Variants in VRK2 observed in about 807,000 individuals in gnomAD.
The protein encoded by VRK2 is VRK serine/threonine kinase 2.
In VRK2, 60 loss-of-function variants were observed where a neutral mutation model predicts 57.6. The observed-to-expected ratio is 1.04, with a 90% CI of 0.85 to 1.29. VRK2 has a LOEUF of 1.29. Among genes scored for constraint, VRK2 ranks in the 50% most tolerant of loss-of-function variants. The pLI, the probability that VRK2 is intolerant of heterozygous loss-of-function variation, is 0.00. For missense variants in VRK2, 705 were observed against 588.1 expected (o/e 1.20, Z -2.06); for synonymous variants, 231 against 199.2 (o/e 1.16, Z -1.35).
intron 1 of VRK2, among the ~76,000 whole-genome samples, chr2:57,936,068 C>G (rs976930578): frequency 6.6e-6 from 1 of 152,038 alleles, no homozygotes; most frequent in Non-Finnish European, 1.5e-5. Context: ...TTATGTAGCT[C>G]CCATCATCTT....
intron 1 of VRK2, among the ~76,000 whole-genome samples, chr2:57,937,499 T>C (rs780234015): frequency 6.6e-6 from 1 of 152,264 alleles, no homozygotes; most frequent in Non-Finnish European, 1.5e-5. Flanking sequence ...TGTAATTGTA[T>C]TCTACTTTAC....
At chr2:58,115,083 A>G (rs1019014334) in intron 7 of VRK2, among the ~76,000 whole-genome samples, 2 of 152,158 alleles carry the variant, frequency 1.3e-5, no homozygotes, top group Non-Finnish European at 2.9e-5. Context: ...AAAGGAAATG[A>G]GAGGTTCTGA....
intron 1 of VRK2, among the ~76,000 whole-genome samples, chr2:57,924,648 A>C (rs1670472682): frequency 6.6e-6 from 1 of 152,014 alleles, no homozygotes; most frequent in Admixed American, 6.6e-5. Context: ...ATCATCTGCA[A>C]GTAAGGATAA....
At chr2:58,079,821 A>G (rs935115518) in intron 2 of VRK2, among the ~76,000 whole-genome samples, 5 of 151,988 alleles carry the variant, frequency 3.3e-5, no homozygotes, top group African/African-American at 4.8e-5. Flanking sequence ...AAGCCATAAT[A>G]TGGTTGCTAG....
At chr2:57,947,817 A>T (rs1419859941) in intron 1 of VRK2, among the ~76,000 whole-genome samples, 2 of 152,134 alleles carry the variant, frequency 1.3e-5, no homozygotes, top group African/African-American at 4.8e-5. Context: ...ATATTATTCA[A>T]ATGAGATGGG....
In VRK2 at chr2:58,040,251, G is replaced by A. The variant is rs555650242; in HGVS notation, c.-6+6698G>A. On this transcript the variant is annotated intron_variant, in intron 3 of 15. Coordinates refer to the VRK2 transcript ENST00000417641. ...TTTTTCACTCATTTCTAGATCCACA[G>A]ACATCTGAGTGTATTTGCCTGAAAT... 8.5e-5 allele frequency among the ~76,000 whole-genome samples: 13 copies of A among 152,218 alleles called. No homozygotes were observed. In the East Asian group the frequency reaches 1.9e-3, roughly 23 times the overall value.
intron 1 of VRK2, chr2:58,048,610 A>G: frequency 1.4e-6 from 2 of 1,474,154 alleles, no homozygotes; most frequent in Non-Finnish European, 1.8e-6. Context: ...CTGTTTTTTT[A>G]AAATATCTAT....
At chr2:58,067,809 C>T (rs1668811169) in intron 2 of VRK2, among the ~76,000 whole-genome samples, 1 of 152,112 alleles carries the variant, frequency 6.6e-6, no homozygotes, top group Non-Finnish European at 1.5e-5. Flanking sequence ...TACATTTTCC[C>T]AGTTATTGAT....
intron 1 of VRK2, among the ~76,000 whole-genome samples, chr2:57,924,215 T>G (rs61246889): frequency 0.026 from 3,916 of 152,178 alleles, 186 homozygotes; most frequent in African/African-American, 0.09. Flanking sequence ...AGGTCTTTTG[T>G]GATTCCATAT....
Position 58,089,723 on chromosome 2 carries a change from G to A in VRK2, c.543G>A (p.Gln181=). The change falls in exon 7 of 13, where the codon CAG becomes CAA. Residue 181 remains glutamine (Q), a splice_region_variant and synonymous_variant. Coordinates refer to ENST00000340157, the MANE Select transcript of VRK2 (RefSeq NM_006296.7). ...NLLLGYKNPD[Q]VYLADYGLSY... ...TTTTGGGTTACAAAAATCCAGACCA[G>A]GTAAATACATACTTTTGCTTTTAAT... 6.3e-7 allele frequency: 1 copy of A among 1,595,344 alleles called. No homozygotes were observed. Among genetic ancestry groups the A allele is most frequent in the East Asian group, 2.2e-5 (1 of 44,590 alleles).
chr2:57,978,556 C>T (rs564500337), intron 1 of VRK2, among the ~76,000 whole-genome samples: 21 of 150,996 alleles, frequency 1.4e-4, no homozygotes, highest in Middle Eastern at 3.4e-3. Context: ...CTTACCATCC[C>T]GATCTAAATC....
At chr2:57,940,858 T>C (rs1437632829) in intron 1 of VRK2, among the ~76,000 whole-genome samples, 2 of 151,838 alleles carry the variant, frequency 1.3e-5, no homozygotes, top group Non-Finnish European at 1.5e-5. Context: ...TAAATGTATA[T>C]ACTAGAACTC....
intron 7 of VRK2, among the ~76,000 whole-genome samples, chr2:58,120,730 T>A (rs1421826524): frequency 6.6e-6 from 1 of 152,326 alleles, no homozygotes; most frequent in Non-Finnish European, 1.5e-5. Flanking sequence ...AGATACAAGT[T>A]TTCTATCAGC....
At chr2:58,142,154 A>T (rs1364391274) in intron 11 of VRK2, among the ~76,000 whole-genome samples, 1 of 151,896 alleles carries the variant, frequency 6.6e-6, no homozygotes, top group Non-Finnish European at 1.5e-5. Flanking sequence ...AAGGGAAAAA[A>T]GTTGTAACTG....
At chr2:58,048,493 T>G in intron 1 of VRK2, 1 of 1,160,762 alleles carries the variant, frequency 8.6e-7, no homozygotes, top group Non-Finnish European at 1.1e-6. Flanking sequence ...ATTTTCTTTC[T>G]TCATTGGAAA....
intron 1 of VRK2, among the ~76,000 whole-genome samples, chr2:57,950,765 C>T (rs992568841): frequency 1.3e-5 from 2 of 152,078 alleles, no homozygotes; most frequent in Non-Finnish European, 2.9e-5. Flanking sequence ...TTAAAATCTC[C>T]GTAAAGGATC....
chr2:58,155,779 G>A (rs1484919445), intron 12 of VRK2, among the ~76,000 whole-genome samples: 5 of 12,386 alleles, frequency 4.0e-4, no homozygotes, highest in Non-Finnish European at 5.4e-4. Context: ...CCGCCGCCCC[G>A]TTTCCACAGC....
chr2:58,137,175 T>TATATGATAC (rs1553422375), intron 10 of VRK2, among the ~76,000 whole-genome samples: 2 of 82,282 alleles, frequency 2.4e-5, no homozygotes, highest in Admixed American at 1.5e-4. Flanking sequence ...TCATATATCA[T>TATATGATAC]ATATATCATA....
At chr2:58,120,647 G>A (rs1028380506) in intron 7 of VRK2, among the ~76,000 whole-genome samples, 1 of 152,148 alleles carries the variant, frequency 6.6e-6, no homozygotes, top group Admixed American at 6.5e-5. Flanking sequence ...CTGACTGTAG[G>A]CCCCTGACGT....
Sources: gnomAD v4.1 joint callset for allele counts (sites outside exome capture counted in the v4.1 genomes callset) on GRCh38, gnomAD v4.1.1 for gene constraint, MANE v1.5 for transcripts, NCBI Gene and HGNC (gene_info 2026-07-23, HGNC 2026-07-21) for gene names.